Variants in PCSK2 observed in about 807,000 individuals in gnomAD.
The protein encoded by PCSK2 is proprotein convertase subtilisin/kexin type 2.
Under a neutral mutation model 69.7 loss-of-function variants are expected in PCSK2, and 14 were observed. The ratio of observed to expected loss-of-function variants is 0.20; its 90% CI spans 0.13 to 0.31. PCSK2 has a LOEUF of 0.31. PCSK2 is among the 10% of genes least tolerant of loss of function. The pLI is 1.00. For synonymous variants in PCSK2, 307 were observed against 320.7 expected, an observed-to-expected ratio of 0.96 and a Z score of 0.46; for missense variants, 544 against 842.5, an observed-to-expected ratio of 0.65 and a Z score of 4.39.
intron 6 of PCSK2, among the ~76,000 whole-genome samples, chr20:17,421,099 C>T (rs1275020743): frequency 6.6e-6 from 1 of 152,230 alleles, no homozygotes; most frequent in Non-Finnish European, 1.5e-5. Context: ...TAACAGTCAG[C>T]TCAAGGTTAA....
At chr20:17,366,748 G>A (rs2030604296) in intron 4 of PCSK2, among the ~76,000 whole-genome samples, 2 of 152,056 alleles carry the variant, frequency 1.3e-5, no homozygotes, top group Non-Finnish European at 2.9e-5. Flanking sequence ...GACCAAAGTC[G>A]GTATCTGTTC....
chr20:17,401,256 T>C (rs2031629921), intron 5 of PCSK2, among the ~76,000 whole-genome samples: 1 of 152,214 alleles, frequency 6.6e-6, no homozygotes, highest in African/African-American at 2.4e-5. Flanking sequence ...GACTGAGTAA[T>C]TTATAAGCAA....
chr20:17,290,178 A>G (rs1478461984), intron 2 of PCSK2, among the ~76,000 whole-genome samples: 1 of 152,176 alleles, frequency 6.6e-6, no homozygotes, highest in African/African-American at 2.4e-5. Context: ...TGGTGAGAAG[A>G]CAGGTACCTT....
At chr20:17,352,921 G>A (rs2030042496) in intron 2 of PCSK2, among the ~76,000 whole-genome samples, 1 of 151,946 alleles carries the variant, frequency 6.6e-6, no homozygotes, top group South Asian at 2.1e-4. Flanking sequence ...GAGAATGGGA[G>A]AAAATATTTG....
Position 17,277,849 on chromosome 20 carries a change from C to T in PCSK2, c.282+17505C>T, listed in dbSNP as rs532853724. ...ACAAAGGGCTAATATCCAGAATCTA[C>T]AATGAACTCCAACAAATTTACAAGA... On this transcript the variant is annotated intron_variant, in intron 2 of 11. Transcript: ENST00000262545. Among the ~76,000 whole-genome samples, 708 of 150,782 alleles carry T rather than the reference C, an allele frequency of 4.7e-3. 2 individuals are homozygous for T. The highest frequency in any genetic ancestry group is 7.0e-3 in the Non-Finnish European group (476 of 67,904).
intron 2 of PCSK2, among the ~76,000 whole-genome samples, chr20:17,267,107 C>A (rs954300872): frequency 3.3e-5 from 5 of 152,132 alleles, no homozygotes; most frequent in African/African-American, 1.2e-4. Context: ...CGTGCCCAAT[C>A]CAGCTCCCCA....
At position 17,303,644 on chromosome 20, in the gene PCSK2, T is replaced by A. The variant is rs576533188; in HGVS notation, c.282+43300T>A. Among the ~76,000 whole-genome samples, 36 of 143,834 alleles carry A rather than the reference T, an allele frequency of 2.5e-4. 1 individual carries two copies. The East Asian group carries it at 6.9e-3, about 28-fold the overall frequency. The allele number at this position is 143,834 out of a possible 152,430, so 94.4% of individuals were successfully genotyped here. The stretch of plus-strand genomic sequence containing the variant: ...CAAGCTGGAGTGCAGTAGTGCCATC[T>A]CAGCTCACTGCAACCTCTGCCTCCC... On this transcript the variant is annotated intron_variant, in intron 2 of 11. Coordinates refer to ENST00000262545, the MANE Select transcript of PCSK2 (RefSeq NM_002594.5).
chr20:17,348,978 A>G (rs949019103), intron 2 of PCSK2, among the ~76,000 whole-genome samples: 2 of 152,176 alleles, frequency 1.3e-5, no homozygotes, highest in Admixed American at 6.5e-5. Flanking sequence ...AGGACCGTTA[A>G]CCAGCCACTT....
chr20:17,459,711 TTCCCAAGCCTC>T (rs1327316023), intron 10 of PCSK2, among the ~76,000 whole-genome samples: 1 of 152,224 alleles, frequency 6.6e-6, no homozygotes, highest in Non-Finnish European at 1.5e-5. Flanking sequence ...AAAAAATACA[TTCCCAAGCCTC>T]ACCCAAGCCT....
chr20:17,370,569 T>C (rs1304904822), intron 5 of PCSK2, among the ~76,000 whole-genome samples: 1 of 152,240 alleles, frequency 6.6e-6, no homozygotes, highest in Non-Finnish European at 1.5e-5. Flanking sequence ...TAATAATCCA[T>C]GTCTATGGAG....
At chr20:17,431,525 G>C (rs187339895) in intron 7 of PCSK2, among the ~76,000 whole-genome samples, 1 of 152,310 alleles carries the variant, frequency 6.6e-6, no homozygotes, top group African/African-American at 2.4e-5. Flanking sequence ...TCACAGCAAC[G>C]TTTTGAGGTT....
chr20:17,420,417 A>G (rs567866112), intron 6 of PCSK2, among the ~76,000 whole-genome samples: 2 of 152,366 alleles, frequency 1.3e-5, no homozygotes, highest in Non-Finnish European at 2.9e-5. Context: ...ATATTAGCTC[A>G]AAGGTTACTG....
intron 10 of PCSK2, among the ~76,000 whole-genome samples, chr20:17,460,785 C>T (rs1207499758): frequency 6.6e-6 from 1 of 152,162 alleles, no homozygotes; most frequent in Non-Finnish European, 1.5e-5. Context: ...AAATAGTAAT[C>T]TAATTTACTT....
At chr20:17,450,304 A>G (rs190826260) in intron 8 of PCSK2, among the ~76,000 whole-genome samples, 31 of 152,238 alleles carry the variant, frequency 2.0e-4, no homozygotes, top group East Asian at 1.5e-3. Context: ...CTGGGATTAC[A>G]GGCATGAGAC....
chr20:17,278,578 G>T (rs546631130), intron 2 of PCSK2, among the ~76,000 whole-genome samples: 5 of 152,242 alleles, frequency 3.3e-5, no homozygotes, highest in African/African-American at 1.2e-4. Flanking sequence ...TGTGGGGTGG[G>T]AGGAGAGGGG....
chr20:17,229,856 T>G (rs1986083203), intron 1 of PCSK2, among the ~76,000 whole-genome samples: 1 of 152,184 alleles, frequency 6.6e-6, no homozygotes, highest in Non-Finnish European at 1.5e-5. Flanking sequence ...CTCCAAATTT[T>G]TATGCGACTG....
chr20:17,384,039 G>C (rs2031163492), intron 5 of PCSK2, among the ~76,000 whole-genome samples: 1 of 152,028 alleles, frequency 6.6e-6, no homozygotes, highest in Non-Finnish European at 1.5e-5. Flanking sequence ...AATTAATATT[G>C]ACACTGTGAA....
intron 8 of PCSK2, among the ~76,000 whole-genome samples, chr20:17,448,993 G>A (rs2876457): frequency 0.67 from 100,324 of 150,808 alleles, 33,644 homozygotes; most frequent in African/African-American, 0.75. Flanking sequence ...GGCTCCTCCC[G>A]AGTAGCTAAG....
intron 5 of PCSK2, among the ~76,000 whole-genome samples, chr20:17,390,000 C>A (rs1009623433): frequency 6.6e-6 from 1 of 152,156 alleles, no homozygotes; most frequent in African/African-American, 2.4e-5. Context: ...GAAATAATTC[C>A]AATGCCCGTC....
Sources: gnomAD v4.1 joint callset for allele counts (sites outside exome capture counted in the v4.1 genomes callset) on GRCh38, gnomAD v4.1.1 for gene constraint, MANE v1.5 for transcripts, NCBI Gene and HGNC (gene_info 2026-07-23, HGNC 2026-07-21) for gene names.